The following IFNGR1 variants were observed in gnomAD, a reference collection of about 807,000 sequenced individuals.
IFNGR1 encodes the protein interferon gamma receptor 1.
A neutral mutation model predicts 35.4 loss-of-function variants in IFNGR1; 23 were observed. That is an observed-to-expected ratio of 0.65 (90% CI 0.47 to 0.92). The LOEUF is 0.92. IFNGR1 is among the 40% of genes least tolerant of loss of function. IFNGR1 has a pLI of 0.00. For synonymous variants in IFNGR1, 199 were observed against 209.5 expected (o/e 0.95, Z 0.43); for missense variants, 533 against 583.4 (o/e 0.91, Z 0.89).
intron 1 of IFNGR1, among the ~76,000 whole-genome samples, chr6:137,214,057 G>T (rs780796145): frequency 1.3e-5 from 2 of 152,214 alleles, no homozygotes; most frequent in Non-Finnish European, 2.9e-5. Flanking sequence ...GTAAACTGTT[G>T]TTCTGGATTC....
intron 5 of IFNGR1, among the ~76,000 whole-genome samples, chr6:137,201,232 T>C (rs1464037494): frequency 3.3e-5 from 5 of 152,250 alleles, no homozygotes; most frequent in Non-Finnish European, 7.3e-5. Context: ...TAGAACTTTC[T>C]GGGACTATTC....
rs183606421 is a variant in IFNGR1 at position 137,206,330 on chromosome 6, G to A, written c.201-22C>T. ...AACACTAAAAAGAATAAAAAAATGC[G>A]AAGATAACTTTTATTGTTATTAAAT... On this transcript the variant is annotated intron_variant, in intron 2 of 6. Coordinates refer to ENST00000367739, the MANE Select transcript of IFNGR1 (RefSeq NM_000416.3). 1.7e-4 allele frequency: 263 copies of A among 1,557,268 alleles called. No individual in the cohort carries two copies. The African/African-American group carries it at 2.9e-3, about 17-fold the overall frequency.
intron 6 of IFNGR1, 102 bp from the exon 7 acceptor site, chr6:137,198,741 T>C: frequency 2.4e-6 from 2 of 839,008 alleles, no homozygotes; most frequent in South Asian, 1.4e-5. Context: ...AAATGGCACA[T>C]TTAGGATAAT....
chr6:137,207,106 C>G, intron 1 of IFNGR1, 29 bp from the exon 2 acceptor site: 2 of 1,611,940 alleles, frequency 1.2e-6, no homozygotes, highest in Non-Finnish European at 1.7e-6. Context: ...GTAAAAGGGA[C>G]AATTGTAAGA....
intron 5 of IFNGR1, 121 bp from the exon 6 acceptor site, chr6:137,201,129 A>G: frequency 9.8e-7 from 1 of 1,017,450 alleles, no homozygotes; most frequent in Non-Finnish European, 1.5e-6. Context: ...AGAGTTTTAA[A>G]GAACACTGAA....
chr6:137,216,253 T>C (rs2114517802), intron 1 of IFNGR1, among the ~76,000 whole-genome samples: 1 of 152,326 alleles, frequency 6.6e-6, no homozygotes, highest in Non-Finnish European at 1.5e-5. Flanking sequence ...CTGTACAAGG[T>C]CAGTGAAGAG....
chr6:137,205,752 G>C (rs558298173), intron 3 of IFNGR1, among the ~76,000 whole-genome samples: 12 of 152,316 alleles, frequency 7.9e-5, no homozygotes, highest in Admixed American at 2.0e-4. Flanking sequence ...ATTTTGTGGG[G>C]CTTGAAAGAA....
chr6:137,205,847 CTGGAATATTTACATTA>C (rs1361029265), intron 3 of IFNGR1, among the ~76,000 whole-genome samples: 1 of 152,036 alleles, frequency 6.6e-6, no homozygotes, highest in Non-Finnish European at 1.5e-5. Context: ...TTTCTGGATT[CTGGAATATTTACATTA>C]TATTTACCAG....
chr6:137,215,241 G>T, intron 1 of IFNGR1: 1 of 1,539,630 alleles, frequency 6.5e-7, no homozygotes, highest in Non-Finnish European at 8.7e-7. Context: ...CTTTGTGATC[G>T]TTTAATAAAA....
At chr6:137,199,774 G>A (rs1159197969) in intron 6 of IFNGR1, among the ~76,000 whole-genome samples, 2 of 149,946 alleles carry the variant, frequency 1.3e-5, no homozygotes, top group African/African-American at 4.9e-5. Context: ...ATAATTTTTA[G>A]TAGCTCATAT....
At chr6:137,207,792 A>C (rs1422961869) in intron 1 of IFNGR1, among the ~76,000 whole-genome samples, 1 of 152,232 alleles carries the variant, frequency 6.6e-6, no homozygotes, top group Non-Finnish European at 1.5e-5. Flanking sequence ...CAGCAGCATG[A>C]AAAAGGACTA....
chr6:137,204,711 A>T (rs1197244232), intron 3 of IFNGR1, among the ~76,000 whole-genome samples: 1 of 152,212 alleles, frequency 6.6e-6, no homozygotes, highest in Non-Finnish European at 1.5e-5. Context: ...TCAGGCAAGA[A>T]GTACTCTTAT....
At chr6:137,203,733 G>GAAAA (rs34561084) in intron 4 of IFNGR1, 48 bp from the exon 5 acceptor site, 29 of 1,208,714 alleles carry the variant, frequency 2.4e-5, no homozygotes, top group Admixed American at 1.7e-4. Context: ...CTTTTAATCT[G>GAAAA]AAAAAAAAAA....
intron 1 of IFNGR1, among the ~76,000 whole-genome samples, chr6:137,208,867 G>A (rs1243546235): frequency 6.6e-6 from 1 of 152,172 alleles, no homozygotes; most frequent in Non-Finnish European, 1.5e-5. Flanking sequence ...ACTCCAGAAT[G>A]GTAGATCTGC....
intron 1 of IFNGR1, among the ~76,000 whole-genome samples, chr6:137,215,589 A>T (rs1236686967): frequency 6.6e-6 from 1 of 152,214 alleles, no homozygotes; most frequent in African/African-American, 2.4e-5. Context: ...ATCAAAATTG[A>T]ACCATTAATT....
intron 4 of IFNGR1, among the ~76,000 whole-genome samples, chr6:137,203,997 C>T (rs17181730): frequency 4.2e-4 from 64 of 152,056 alleles, no homozygotes; most frequent in African/African-American, 1.5e-3. Context: ...TGGTGGGAAA[C>T]AGAAGTATTA....
chr6:137,219,213 C>T (rs2114527265), intron 1 of IFNGR1, 30 bp downstream of exon 1: 1 of 1,588,764 alleles, frequency 6.3e-7, no homozygotes, highest in Non-Finnish European at 8.6e-7. Flanking sequence ...CGTCCCGACC[C>T]GGCCGCAGCC....
In IFNGR1 at chr6:137,217,731, T is replaced by C. The variant is rs17181681; in HGVS notation, c.85+1512A>G. Among the ~76,000 whole-genome samples the C allele has an allele frequency of 9.2e-3, 1,396 of 152,330 alleles. 22 individuals carry two copies. Among genetic ancestry groups the C allele is most frequent in the African/African-American group, 0.032 (1,328 of 41,570 alleles). ...TTTCTGAGACAATAAATTCCTCTTT[T>C]TGCTTAAGTTAATAAAGCTAGGTTT... On this transcript the variant is annotated intron_variant, in intron 1 of 6. Transcript: ENST00000367739.
chr6:137,219,030 G>A (rs1029490869), intron 1 of IFNGR1: 3 of 605,584 alleles, frequency 5.0e-6, no homozygotes, highest in South Asian at 2.0e-5. Flanking sequence ...CGGCAACCAG[G>A]GAAGAGGCAG....
Sources: gnomAD v4.1 joint callset for allele counts (sites outside exome capture counted in the v4.1 genomes callset) on GRCh38, gnomAD v4.1.1 for gene constraint, MANE v1.5 for transcripts, NCBI Gene and HGNC (gene_info 2026-07-23, HGNC 2026-07-21) for gene names.